Variants in RAPH1 observed in about 807,000 individuals in gnomAD.
RAPH1 encodes the protein Ras association (RalGDS/AF-6) and pleckstrin homology domains 1.
A neutral mutation model predicts 88.1 loss-of-function variants in RAPH1; 18 were observed. The observed-to-expected ratio is 0.20, with a 90% confidence interval of 0.14 to 0.30. RAPH1 has a LOEUF of 0.30. RAPH1 is among the 10% of genes least tolerant of loss of function. RAPH1 has a pLI of 1.00. For missense variants in RAPH1, 1,448 were observed against 1,543.2 expected (o/e 0.94, Z 1.03); for synonymous variants, 587 against 559.0 (o/e 1.05, Z -0.71).
At chr2:203,521,534 A>G (rs1387741995) in intron 1 of RAPH1, among the ~76,000 whole-genome samples, 1 of 152,172 alleles carries the variant, frequency 6.6e-6, no homozygotes, top group East Asian at 1.9e-4. Context: ...ACCTCTTTAA[A>G]GGAAATTATT....
rs189250292 is a variant in RAPH1 at position 203,507,814 on chromosome 2, T to C, written c.1-12461A>G. On this transcript the variant is annotated intron_variant, in intron 1 of 13. Coordinates refer to ENST00000319170, the MANE Select transcript of RAPH1 (RefSeq NM_213589.3). The stretch of plus-strand genomic sequence containing the variant: ...GCCATAAGGACAATGTTGGAACAGT[T>C]GACAAAATATGACTGGATTAGATCA... 4.5e-4 allele frequency among the ~76,000 whole-genome samples: 68 copies of C among 152,258 alleles called. 1 individual carries two copies. The East Asian group carries it at 9.2e-3, about 21-fold the overall frequency.
chr2:203,482,024 A>G (rs1451308518), intron 4 of RAPH1, among the ~76,000 whole-genome samples: 1 of 151,718 alleles, frequency 6.6e-6, no homozygotes, highest in Non-Finnish European at 1.5e-5. Flanking sequence ...AAAAACACAC[A>G]CACACACAGA....
At position 203,448,045 on chromosome 2, in the gene RAPH1, G is replaced by A; in HGVS notation, c.1547C>T (p.Ala516Val). Reference protein sequence around the residue: ...GKQLYMNYQEALKRTESAYDW... With the variant: ...GKQLYMNYQEVLKRTESAYDW... ...ATAGGCTGACTCTGTCCTCTTCAAG[G>A]CTTCTTGGTAGTTCATATAGAGCTG... Residue 516 changes from alanine to valine, a missense_variant, in exon 12 of 14, where the codon GCC (alanine) becomes GTC (valine). Physicochemically the swap from Ala to Val is moderately conservative, Grantham distance 64 (BLOSUM62 0). This residue lies in a region of RAPH1 where 513 missense variants were observed against 653.1 expected (regional missense o/e 0.79). Coordinates refer to ENST00000319170, the MANE Select transcript of RAPH1 (RefSeq NM_213589.3). The surrounding 1 kb of genome is among the most constrained non-coding windows in gnomAD (Gnocchi z 4.1). 1 of 1,613,800 alleles carries A rather than the reference G, an allele frequency of 6.2e-7. No homozygotes were observed.
chr2:203,470,324 A>G (rs2098531926), intron 4 of RAPH1: 8 of 1,592,504 alleles, frequency 5.0e-6, no homozygotes, highest in Non-Finnish European at 6.8e-6. Flanking sequence ...CTTGTTCAGA[A>G]AAGAGAAAAA....
At chr2:203,476,555 AACC>A (rs1687463257) in intron 4 of RAPH1, among the ~76,000 whole-genome samples, 2 of 152,172 alleles carry the variant, frequency 1.3e-5, no homozygotes, top group African/African-American at 4.8e-5. Context: ...AATTCAGATT[AACC>A]ACATTTTAAA....
chr2:203,466,725 A>C (rs2098528752), intron 4 of RAPH1, among the ~76,000 whole-genome samples: 1 of 152,218 alleles, frequency 6.6e-6, no homozygotes, highest in Non-Finnish European at 1.5e-5. Flanking sequence ...CTTCTCTTAA[A>C]AGAGCAAGAG....
intron 10 of RAPH1, among the ~76,000 whole-genome samples, chr2:203,451,705 C>T (rs1432908989): frequency 6.6e-6 from 1 of 152,178 alleles, no homozygotes; most frequent in East Asian, 1.9e-4. Context: ...TTTAAAATGA[C>T]CCTGACAGGT....
At chr2:203,511,072 G>A (rs1421939675) in intron 1 of RAPH1, among the ~76,000 whole-genome samples, 2 of 151,928 alleles carry the variant, frequency 1.3e-5, no homozygotes, top group South Asian at 4.1e-4. Context: ...ATTATGTGGT[G>A]GTTACTGGTG....
At chr2:203,503,284 T>C (rs571929891) in intron 1 of RAPH1, among the ~76,000 whole-genome samples, 1 of 152,318 alleles carries the variant, frequency 6.6e-6, no homozygotes, top group African/African-American at 2.4e-5. Flanking sequence ...TCCCCATCTG[T>C]ATTAGTCTGT....
At chr2:203,511,657 A>G (rs951527456) in intron 1 of RAPH1, among the ~76,000 whole-genome samples, 3 of 152,164 alleles carry the variant, frequency 2.0e-5, no homozygotes, top group Non-Finnish European at 2.9e-5. Flanking sequence ...CTTCCCTTCC[A>G]GGGTTTCATT....
intron 1 of RAPH1, among the ~76,000 whole-genome samples, chr2:203,508,544 T>A (rs1689193034): frequency 6.6e-6 from 1 of 152,128 alleles, no homozygotes; most frequent in South Asian, 2.1e-4. Flanking sequence ...AAATCATGCA[T>A]ACTCAAGTCC....
intron 1 of RAPH1, among the ~76,000 whole-genome samples, chr2:203,498,275 C>T (rs368362390): frequency 1.2e-4 from 19 of 152,074 alleles, no homozygotes; most frequent in Admixed American, 3.3e-4. Context: ...GGCAATAATA[C>T]GCAAGGCACT....
intron 13 of RAPH1, chr2:203,441,761 C>G (rs888469461): frequency 1.6e-6 from 2 of 1,275,444 alleles, no homozygotes; most frequent in Admixed American, 3.8e-5. Context: ...CTACATGGAA[C>G]CCTCTGTGGC....
chr2:203,496,814 T>A lies in RAPH1; in HGVS notation c.1-1461A>T, dbSNP rs1038748611. Among the ~76,000 whole-genome samples, 3 of 152,204 alleles carry A rather than the reference T, an allele frequency of 2.0e-5. No homozygotes were observed. In the South Asian group the frequency reaches 6.2e-4, roughly 32 times the overall value. ...AGGGACACAATGAACATCATCACCA[T>A]ATGTTACATTAAATACTCTTGACTC... On this transcript the variant is annotated intron_variant, in intron 1 of 13. Coordinates refer to ENST00000319170, the MANE Select transcript of RAPH1 (RefSeq NM_213589.3).
chr2:203,486,092 A>AT (rs1687955145), intron 4 of RAPH1, among the ~76,000 whole-genome samples: 1 of 108,090 alleles, frequency 9.3e-6, no homozygotes, highest in Non-Finnish European at 2.2e-5. Context: ...CCTGAAGACT[A>AT]CAAAAAAAAA....
intron 1 of RAPH1, among the ~76,000 whole-genome samples, chr2:203,498,947 A>G (rs1688625880): frequency 6.7e-6 from 1 of 150,148 alleles, no homozygotes; most frequent in African/African-American, 2.4e-5. Flanking sequence ...AATTGTCTAT[A>G]GTGTTCAGTA....
At chr2:203,457,651 G>T in intron 7 of RAPH1, 56 bp from the exon 8 acceptor site, 1 of 1,279,764 alleles carries the variant, frequency 7.8e-7, no homozygotes, top group Non-Finnish European at 1.1e-6. Flanking sequence ...GAAGGTTAAA[G>T]CATAAATCCA....
At chr2:203,453,236 C>T (rs982985196) in intron 10 of RAPH1, among the ~76,000 whole-genome samples, 1 of 152,020 alleles carries the variant, frequency 6.6e-6, no homozygotes, top group African/African-American at 2.4e-5. Context: ...CCCAAAAACA[C>T]AATTATGTAA....
At position 203,439,476 on chromosome 2, in the gene RAPH1, G is replaced by C. The variant is rs143319872; in HGVS notation, c.3714C>G (p.Pro1238=). The C allele has an allele frequency of 4.3e-6, 7 of 1,613,800 alleles. No individual in the cohort carries two copies. Among genetic ancestry groups the C allele is most frequent in the African/African-American group, 2.7e-5 (2 of 74,902 alleles). ...AGAGCTTGGTGTTCTGGTCTCTTTTGGGGGGAGCAGGAGGGGGTCCTCTCC... is the reference window on the plus strand; with the variant it reads ...AGAGCTTGGTGTTCTGGTCTCTTTTCGGGGGAGCAGGAGGGGGTCCTCTCC... ...TLRRGPPPAP[P]KRDQNTKLSR... Residue 1238 remains proline (P), a synonymous_variant, in exon 14 of 14, where the codon CCC becomes CCG. Coordinates refer to ENST00000319170, the MANE Select transcript of RAPH1 (RefSeq NM_213589.3).
Sources: allele counts gnomAD v4.1 joint callset (sites outside exome capture counted in the v4.1 genomes callset), GRCh38; gene constraint gnomAD v4.1.1; regional missense constraint gnomAD v4.1.1; non-coding constraint Gnocchi (gnomAD v3.1); transcripts MANE v1.5; gene names NCBI Gene and HGNC (gene_info 2026-07-23, HGNC 2026-07-21).